Variants in DDRGK1 observed in about 807,000 individuals in gnomAD.
The protein encoded by DDRGK1 is DDRGK domain containing 1, also known as DDRGK domain-containing protein 1.
In DDRGK1, 38 loss-of-function variants were observed where a neutral mutation model predicts 45.8. That is an observed-to-expected ratio of 0.83 (90% CI 0.64 to 1.09). The LOEUF (loss-of-function observed/expected upper bound fraction) is 1.09, where lower values mean the gene tolerates loss of function less well. Among genes scored for constraint, DDRGK1 ranks in the 50% least tolerant of loss-of-function variants. The pLI is 0.00. For missense variants in DDRGK1, 403 were observed against 419.9 expected (o/e 0.96, Z 0.35); for synonymous variants, 171 against 168.7 (o/e 1.01, Z -0.11).
rs1302559342 is a variant in DDRGK1 at position 3,192,913 on chromosome 20, G to A, written c.673-1092C>T. Among the ~76,000 whole-genome samples the A allele has an allele frequency of 2.6e-5, 4 of 152,180 alleles. No individual in the cohort carries two copies. The East Asian group carries it at 7.7e-4, about 29-fold the overall frequency. On this transcript the variant is annotated intron_variant, in intron 6 of 8. Transcript: ENST00000354488. ...AAGCGAGAGGCAGCTGGGTCAGGAT[G>A]GGCAAGGACAAAGTGACGTGGTCAG...
intron 2 of DDRGK1, among the ~76,000 whole-genome samples, chr20:3,202,076 T>C (rs2067042824): frequency 6.6e-6 from 1 of 151,622 alleles, no homozygotes; most frequent in South Asian, 2.1e-4. Flanking sequence ...ACCTCCCGGG[T>C]TCATGGCATT....
At chr20:3,194,558 G>T (rs140177996) in intron 6 of DDRGK1, among the ~76,000 whole-genome samples, 3 of 152,256 alleles carry the variant, frequency 2.0e-5, no homozygotes, top group African/African-American at 7.2e-5. Flanking sequence ...CTCACTGAGC[G>T]TGGGGTCTGA....
intron 5 of DDRGK1, 142 bp from the exon 6 acceptor site, chr20:3,195,010 G>T: frequency 1.5e-6 from 2 of 1,324,418 alleles, no homozygotes; most frequent in African/African-American, 2.9e-5. Context: ...TGCACATACC[G>T]CTTGCCTACA....
chr20:3,203,732 C>T (rs896856306), intron 1 of DDRGK1, among the ~76,000 whole-genome samples: 2 of 152,230 alleles, frequency 1.3e-5, no homozygotes, highest in African/African-American at 4.8e-5. Context: ...CAGGAATCCA[C>T]TGATTTCTCG....
intron 6 of DDRGK1, among the ~76,000 whole-genome samples, chr20:3,193,068 G>A (rs1249677331): frequency 2.0e-5 from 3 of 152,166 alleles, no homozygotes; most frequent in Non-Finnish European, 4.4e-5. Context: ...AAACACGTTT[G>A]ATAAAACAAG....
At chr20:3,197,453 C>T (rs1173435398) in intron 4 of DDRGK1, among the ~76,000 whole-genome samples, 1 of 152,122 alleles carries the variant, frequency 6.6e-6, no homozygotes, top group Admixed American at 6.6e-5. Flanking sequence ...GCCAGGCGAC[C>T]AAGGTTAACA....
chr20:3,198,454 G>A lies in DDRGK1; in HGVS notation c.510+1547C>T, dbSNP rs189687297. ...AGTGGCTCACGCCTGTAATCCCAGC[G>A]CTTCGGGAGGCTGAGGTGGGTGGAT... On this transcript the variant is annotated intron_variant, in intron 4 of 8. Transcript: ENST00000354488. Among the ~76,000 whole-genome samples, 357 of 147,076 alleles carry A rather than the reference G, an allele frequency of 2.4e-3. 1 individual carries two copies. Among genetic ancestry groups the A allele is most frequent in the African/African-American group, 7.5e-3 (297 of 39,782 alleles).
At chr20:3,200,197 G>A in intron 3 of DDRGK1, 95 bp from the exon 4 acceptor site, 1 of 1,504,188 alleles carries the variant, frequency 6.6e-7, no homozygotes, top group Admixed American at 1.9e-5. Context: ...CTGGGCCAGG[G>A]CACAGACCCA....
At chr20:3,200,477 A>C in intron 2 of DDRGK1, 23 bp from the exon 3 acceptor site, 1 of 1,552,908 alleles carries the variant, frequency 6.4e-7, no homozygotes, top group Non-Finnish European at 8.7e-7. Context: ...AAAGAAAGAC[A>C]GTTCAGGTTC....
At chr20:3,203,031 A>AG (rs2067047269) in intron 2 of DDRGK1, among the ~76,000 whole-genome samples, 182 bp downstream of exon 2, 1 of 151,922 alleles carries the variant, frequency 6.6e-6, no homozygotes, top group Admixed American at 6.6e-5. Flanking sequence ...AGATGAAGGT[A>AG]GGGGGGGTTG....
At chr20:3,192,741 G>C (rs116529967) in intron 6 of DDRGK1, among the ~76,000 whole-genome samples, 1 of 152,156 alleles carries the variant, frequency 6.6e-6, no homozygotes, top group Non-Finnish European at 1.5e-5. Context: ...CACAGCACAG[G>C]ACTTGAGAAA....
Position 3,203,387 on chromosome 20 carries a change from G to C in DDRGK1, c.121C>G (p.Leu41Val). The change falls in exon 2 of 9, where the codon CTG becomes GTG. Residue 41 changes from leucine to valine, a missense_variant. By Grantham distance (32) the Leu-to-Val change is conservative. Transcript: ENST00000354488. ...TGGGCCACCCGGCCTGCTCCTGCCA[G>C]CTCCTCATTGTGCAGTGGCTCTTGG... ...AGQEPLHNEE[L>V]AGAGRVAQPG... 1 of 1,601,026 alleles carries C rather than the reference G, an allele frequency of 6.2e-7. No homozygotes were observed.
intron 4 of DDRGK1, among the ~76,000 whole-genome samples, chr20:3,197,453 C>G (rs1173435398): frequency 6.6e-6 from 1 of 152,122 alleles, no homozygotes; most frequent in African/African-American, 2.4e-5. Context: ...GCCAGGCGAC[C>G]AAGGTTAACA....
At chr20:3,199,949 A>G in intron 4 of DDRGK1, 52 bp downstream of exon 4, 1 of 1,512,942 alleles carries the variant, frequency 6.6e-7, no homozygotes, top group Non-Finnish European at 8.9e-7. Flanking sequence ...ATAAGAAGCA[A>G]GGCTGCCTTG....
chr20:3,192,879 C>A (rs1217112208), intron 6 of DDRGK1, among the ~76,000 whole-genome samples: 1 of 152,158 alleles, frequency 6.6e-6, no homozygotes, highest in Non-Finnish European at 1.5e-5. Flanking sequence ...TATGTACAAG[C>A]AAGAAGGCAA....
chr20:3,190,942 T>G, intron 8 of DDRGK1, 123 bp from the exon 9 acceptor site: 1 of 1,397,912 alleles, frequency 7.2e-7, no homozygotes, highest in Non-Finnish European at 9.7e-7. Context: ...TGCCTGGACT[T>G]TCCTGGCTGC....
Position 3,191,554 on chromosome 20 carries a change from G to A in DDRGK1, c.729+211C>T, listed in dbSNP as rs968113537. On this transcript the variant is annotated intron_variant, in intron 7 of 8. Coordinates refer to ENST00000354488, the MANE Select transcript of DDRGK1 (RefSeq NM_023935.3). ...CTTTGGTCACAGGGGCTGGCAGAGTGATGGGGTTTGGGTTTTTTTTTTCTT... is the reference window on the plus strand; with the variant it reads ...CTTTGGTCACAGGGGCTGGCAGAGTAATGGGGTTTGGGTTTTTTTTTTCTT... The A allele has an allele frequency of 9.3e-6, 7 of 754,056 alleles. No individual in the cohort carries two copies. In the African/African-American group the frequency reaches 1.0e-4, roughly 11 times the overall value. The allele number at this position is 754,056 out of a possible 1,614,324, so 46.7% of individuals were successfully genotyped here.
Position 3,200,046 on chromosome 20 carries a change from C to T in DDRGK1, c.465G>A (p.Glu155=), listed in dbSNP as rs1432697114. 6.2e-6 allele frequency: 10 copies of T among 1,613,976 alleles called. No individual in the cohort carries two copies. The highest frequency in any genetic ancestry group is 8.5e-6 in the Non-Finnish European group (10 of 1,180,008). Reference sequence around the variant, plus strand: ...GAAGCCGCTCCTCCTCCTTCTTCCACTCAGCTTCGCGCTGGGACTCGAGTC... The same window carrying T: ...GAAGCCGCTCCTCCTCCTTCTTCCATTCAGCTTCGCGCTGGGACTCGAGTC... The part of the protein sequence containing the change: ...RKRLESQREA[E]WKKEEERLRL... The change falls in exon 4 of 9, where the codon GAG becomes GAA. Residue 155 remains glutamate (E), a synonymous_variant. Transcript: ENST00000354488.
intron 6 of DDRGK1, among the ~76,000 whole-genome samples, chr20:3,193,947 C>A (rs917382888): frequency 1.3e-5 from 2 of 152,128 alleles, no homozygotes; most frequent in Non-Finnish European, 2.9e-5. Context: ...CGGCCACAGC[C>A]CCTAATCAAG....
Sources: allele counts gnomAD v4.1 joint callset (sites outside exome capture counted in the v4.1 genomes callset), GRCh38; gene constraint gnomAD v4.1.1; transcripts MANE v1.5; gene names NCBI Gene and HGNC (gene_info 2026-07-23, HGNC 2026-07-21).